The following SLC24A2 variants were observed in gnomAD, a reference collection of about 807,000 sequenced individuals.
SLC24A2 encodes the protein sodium/potassium/calcium exchanger 2.
In SLC24A2, 36 loss-of-function variants were observed where a neutral mutation model predicts 62.0. That is an observed-to-expected ratio of 0.58 (90% CI 0.44 to 0.77). SLC24A2 has a LOEUF of 0.77. SLC24A2 is among the 30% of genes least tolerant of loss of function. The pLI, the probability that SLC24A2 is intolerant of heterozygous loss-of-function variation, is 0.00. For missense variants in SLC24A2, 846 were observed against 817.9 expected (o/e 1.03, Z -0.42); for synonymous variants, 358 against 294.0 (o/e 1.22, Z -2.23).
At chr9:19,529,609 G>A (rs1563935612) in intron 8 of SLC24A2, among the ~76,000 whole-genome samples, 1 of 151,978 alleles carries the variant, frequency 6.6e-6, no homozygotes, top group Non-Finnish European at 1.5e-5. Context: ...ACCCTCAAAT[G>A]CTTTTCCCTG....
intron 2 of SLC24A2, among the ~76,000 whole-genome samples, chr9:19,686,348 G>T (rs1461688559): frequency 6.6e-6 from 1 of 152,140 alleles, no homozygotes; most frequent in African/African-American, 2.4e-5. Flanking sequence ...AAGCAGTGAA[G>T]TGATTTTTCA....
chr9:19,965,385 A>G, the SLC24A2 span, among the ~76,000 whole-genome samples: 1 of 152,212 alleles, frequency 6.6e-6, no homozygotes, highest in Non-Finnish European at 1.5e-5. Flanking sequence ...TGTGGTGGTT[A>G]AAAGTATGGG....
chr9:19,700,170 T>A (rs541888319), intron 2 of SLC24A2, among the ~76,000 whole-genome samples: 2 of 152,210 alleles, frequency 1.3e-5, no homozygotes, highest in Admixed American at 6.5e-5. Context: ...AAATCCCAAA[T>A]GACCAACTTC....
At chr9:19,720,694 C>CA (rs1256263383) in intron 2 of SLC24A2, among the ~76,000 whole-genome samples, 7 of 76,940 alleles carry the variant, frequency 9.1e-5, no homozygotes, top group Admixed American at 1.4e-4. Flanking sequence ...TGACAACCCC[C>CA]CCCCCCAAAA....
the SLC24A2 span, among the ~76,000 whole-genome samples, chr9:20,103,805 A>G: frequency 6.6e-6 from 1 of 151,962 alleles, no homozygotes; most frequent in African/African-American, 2.4e-5. Flanking sequence ...TCCTCCTCCA[A>G]AGGAACGCAG....
At chr9:19,592,182 C>A (rs888363136) in intron 5 of SLC24A2, among the ~76,000 whole-genome samples, 8 of 152,144 alleles carry the variant, frequency 5.3e-5, no homozygotes, top group Admixed American at 5.2e-4. Flanking sequence ...CCCCATGATT[C>A]ATGTAAGACA....
chr9:19,666,597 C>T (rs985333749), intron 2 of SLC24A2, among the ~76,000 whole-genome samples: 3 of 152,114 alleles, frequency 2.0e-5, no homozygotes, highest in Non-Finnish European at 4.4e-5. Flanking sequence ...ATTTTTAGTG[C>T]AGAGTTTAGA....
At chr9:20,276,938 C>A in the SLC24A2 span, among the ~76,000 whole-genome samples, 2 of 152,212 alleles carry the variant, frequency 1.3e-5, no homozygotes, top group South Asian at 2.1e-4. Flanking sequence ...AGGCCTTGGA[C>A]CTGGCCCATG....
the SLC24A2 span, among the ~76,000 whole-genome samples, chr9:19,920,973 C>T: frequency 6.6e-6 from 1 of 151,496 alleles, no homozygotes; most frequent in Non-Finnish European, 1.5e-5. Flanking sequence ...TAAAGATAAT[C>T]ATATTACCTA....
the SLC24A2 span, among the ~76,000 whole-genome samples, chr9:20,070,699 T>A: frequency 6.6e-6 from 1 of 152,208 alleles, no homozygotes; most frequent in East Asian, 1.9e-4. Context: ...AACCTAAGAA[T>A]AGACCCTCAG....
intron 2 of SLC24A2, among the ~76,000 whole-genome samples, chr9:19,676,145 T>C (rs950908730): frequency 1.3e-5 from 2 of 152,318 alleles, no homozygotes; most frequent in Non-Finnish European, 2.9e-5. Context: ...GACCTTCAGG[T>C]TCCCCAGTGA....
the SLC24A2 span, among the ~76,000 whole-genome samples, chr9:20,225,819 C>T: frequency 0.11 from 17,047 of 151,290 alleles, 2,172 homozygotes; most frequent in East Asian, 0.6. Flanking sequence ...TTAGCTTGTG[C>T]TCTCAATGGC....
chr9:20,209,248 G>T, the SLC24A2 span, among the ~76,000 whole-genome samples: 1 of 152,198 alleles, frequency 6.6e-6, no homozygotes, highest in African/African-American at 2.4e-5. Flanking sequence ...ATTCCCATAT[G>T]TAACTACTTG....
intron 2 of SLC24A2, among the ~76,000 whole-genome samples, chr9:19,778,593 C>G (rs961437714): frequency 6.6e-6 from 1 of 152,138 alleles, no homozygotes; most frequent in Non-Finnish European, 1.5e-5. Context: ...CACAGGCTCG[C>G]TCATACGGGT....
At chr9:20,146,611 G>A in the SLC24A2 span, among the ~76,000 whole-genome samples, 1 of 152,024 alleles carries the variant, frequency 6.6e-6, no homozygotes, top group African/African-American at 2.4e-5. Context: ...TCCTCCCTGA[G>A]ATATGGATCC....
chr9:20,096,068 T>TATCCATCCATCCATCC, the SLC24A2 span, among the ~76,000 whole-genome samples: 3 of 149,778 alleles, frequency 2.0e-5, no homozygotes, highest in Non-Finnish European at 3.0e-5. Context: ...ACCATATCTG[T>TATCCATCCATCCATCC]ATCCATCCAT....
intron 2 of SLC24A2, among the ~76,000 whole-genome samples, chr9:19,725,950 C>T (rs759340461): frequency 1.4e-4 from 21 of 152,256 alleles, no homozygotes; most frequent in Non-Finnish European, 2.5e-4. Flanking sequence ...CCTTTTATAT[C>T]CAGACGTATA....
chr9:19,865,781 AG>A, the SLC24A2 span, among the ~76,000 whole-genome samples: 1 of 152,196 alleles, frequency 6.6e-6, no homozygotes, highest in Non-Finnish European at 1.5e-5. Context: ...CTAGGACTTC[AG>A]TCTGGGCAAA....
chr9:19,965,628 G>C, the SLC24A2 span, among the ~76,000 whole-genome samples: 1 of 152,132 alleles, frequency 6.6e-6, no homozygotes, highest in East Asian at 1.9e-4. Flanking sequence ...TTTGTCTTAA[G>C]TGGCCATAGT....
Sources: allele counts gnomAD v4.1 joint callset (sites outside exome capture counted in the v4.1 genomes callset), GRCh38; gene constraint gnomAD v4.1.1; transcripts MANE v1.5; gene names NCBI Gene and HGNC (gene_info 2026-07-23, HGNC 2026-07-21).